Variants in SYNPO2 observed in about 807,000 individuals in gnomAD.
The protein encoded by SYNPO2 is synaptopodin 2, also known as synaptopodin-2.
Under a neutral mutation model 85.0 loss-of-function variants are expected in SYNPO2, and 56 were observed. The ratio of observed to expected loss-of-function variants is 0.66; its 90% CI spans 0.53 to 0.82. SYNPO2 has a LOEUF of 0.82. Ranked by LOEUF, SYNPO2 falls within the 40% of genes least tolerant of loss-of-function variation. SYNPO2 has a pLI of 0.00. For missense variants in SYNPO2, 1,575 were observed against 1,534.2 expected, an observed-to-expected ratio of 1.03 and a Z score of -0.44; for synonymous variants, 602 against 591.1, an observed-to-expected ratio of 1.02 and a Z score of -0.27.
At chr4:119,016,453 C>T (rs1737529311) in intron 1 of SYNPO2, among the ~76,000 whole-genome samples, 1 of 151,758 alleles carries the variant, frequency 6.6e-6, no homozygotes, top group Admixed American at 6.6e-5. Context: ...TTTAGGAAAC[C>T]CAAATAGTTC....
intron 1 of SYNPO2, among the ~76,000 whole-genome samples, chr4:118,984,389 A>T (rs780834491): frequency 3.7e-4 from 56 of 152,228 alleles, no homozygotes; most frequent in Non-Finnish European, 7.5e-4. Context: ...AATCCTCTTC[A>T]GTTATTCTTC....
intron 1 of SYNPO2, among the ~76,000 whole-genome samples, chr4:119,020,587 G>C (rs866359582): frequency 5.3e-5 from 8 of 152,080 alleles, no homozygotes; most frequent in South Asian, 2.1e-4. Context: ...TTGGGTCTTG[G>C]GGGGCACAGA....
At chr4:119,007,259 TATATATATATATATATGTATATAC>T (rs1737098506) in intron 1 of SYNPO2, among the ~76,000 whole-genome samples, 1 of 47,766 alleles carries the variant, frequency 2.1e-5, no homozygotes, top group Non-Finnish European at 4.1e-5. Flanking sequence ...TATACATATA[TATATATATATATATATGTATATAC>T]ATATATATAT....
At chr4:118,891,337 G>C (rs538067501) in intron 1 of SYNPO2, among the ~76,000 whole-genome samples, 1 of 152,264 alleles carries the variant, frequency 6.6e-6, no homozygotes, top group South Asian at 2.1e-4. Flanking sequence ...TTGTGTGTTT[G>C]TGTGTGCAAG....
In SYNPO2 at chr4:119,031,873, C is replaced by T; in HGVS notation, c.3098C>T (p.Pro1033Leu). The change falls in exon 4 of 5, where the codon CCT becomes CTT. Residue 1033 changes from proline (P) to leucine (L), a missense_variant. Coordinates refer to ENST00000307142, the MANE Select transcript of SYNPO2 (RefSeq NM_133477.3). ...TACTCGGTACCAGCCTATACCTCTC[C>T]TCCTTCCTTCTTTGCAGAGGCCTCC... is the stretch of plus-strand genomic sequence containing the variant. Reference protein sequence around the residue: ...SVYSVPAYTSPPSFFAEASSP... With the variant: ...SVYSVPAYTSLPSFFAEASSP... 1 of 1,614,224 alleles carries T rather than the reference C, an allele frequency of 6.2e-7. No individual in the cohort carries two copies.
intron 1 of SYNPO2, among the ~76,000 whole-genome samples, chr4:118,897,153 G>A (rs1732575831): frequency 1.3e-5 from 2 of 152,154 alleles, no homozygotes; most frequent in South Asian, 4.1e-4. Flanking sequence ...AAGTGAAGGG[G>A]AAGCAAGGCA....
chr4:118,903,719 A>ATT (rs11452956), intron 1 of SYNPO2, among the ~76,000 whole-genome samples: 51 of 148,384 alleles, frequency 3.4e-4, no homozygotes, highest in Admixed American at 6.7e-4. Context: ...AAATGGTACA[A>ATT]TTTTTTTTTT....
chr4:118,961,992 A>G (rs902269314), intron 1 of SYNPO2, among the ~76,000 whole-genome samples: 1 of 152,182 alleles, frequency 6.6e-6, no homozygotes, highest in African/African-American at 2.4e-5. Context: ...GGTCAGAAAG[A>G]TAAAATTTTT....
chr4:119,037,252 T>G, intron 4 of SYNPO2: 1 of 1,475,244 alleles, frequency 6.8e-7, no homozygotes, highest in Non-Finnish European at 9.0e-7. Flanking sequence ...CTTTCACATC[T>G]CCTATTTCTT....
At chr4:118,968,946 G>A (rs61324225) in intron 1 of SYNPO2, among the ~76,000 whole-genome samples, 15,980 of 152,130 alleles carry the variant, frequency 0.11, 1,049 homozygotes, top group East Asian at 0.15. Context: ...GAAATATAGC[G>A]TGGCAAAACA....
At position 119,031,225 on chromosome 4, in the gene SYNPO2, G is replaced by A. The variant is rs754962373; in HGVS notation, c.2450G>A (p.Arg817Gln). Reference protein sequence around the residue: ...KIAQPSYPPARPASTLNVAGP... With the variant: ...KIAQPSYPPAQPASTLNVAGP... ...GCCCAGCCTTCTTACCCTCCTGCCC[G>A]GCCTGCAAGTACTTTGAACGTGGCT... Residue 817 changes from arginine (R) to glutamine (Q), a missense_variant, in exon 4 of 5, where the codon CGG (arginine) becomes CAG (glutamine). Transcript: ENST00000307142. 3.7e-6 allele frequency: 6 copies of A among 1,614,004 alleles called. No homozygotes were observed. The South Asian group carries it at 4.4e-5, about 12-fold the overall frequency.
At chr4:118,851,738 A>T (rs114051506) in intron 1 of SYNPO2, among the ~76,000 whole-genome samples, 6,266 of 152,260 alleles carry the variant, frequency 0.041, 197 homozygotes, top group Non-Finnish European at 0.064. Context: ...CATTTTTTCA[A>T]ATCTCTTTAA....
chr4:119,023,655 A>G, intron 2 of SYNPO2, 74 bp downstream of exon 2: 1 of 1,435,686 alleles, frequency 7.0e-7, no homozygotes. Flanking sequence ...TACTACATAT[A>G]TAACTTGTCA....
rs1252339768 is a variant in SYNPO2 at position 119,060,560 on chromosome 4, GA to G, written c.*2627del. 2.6e-5 allele frequency: 4 copies of G among 152,320 alleles called. No homozygotes were observed. In the East Asian group the frequency reaches 7.7e-4, roughly 29 times the overall value. 9.4% of individuals were successfully genotyped at this position (152,320 alleles called of 1,614,324 possible). The stretch of plus-strand genomic sequence containing the variant: ...GAAGTTTGATTCCTATGGGTGAGAA[GA>G]TGTAGATGACTATTGTTCTCACTAA... On this transcript the variant is annotated 3_prime_UTR_variant, in exon 5 of 5. Transcript: ENST00000307142.
At chr4:119,045,688 C>A (rs1170838217) in intron 4 of SYNPO2, among the ~76,000 whole-genome samples, 1 of 152,124 alleles carries the variant, frequency 6.6e-6, no homozygotes, top group East Asian at 1.9e-4. Flanking sequence ...ATGTGTTTAA[C>A]ATTTATTTTT....
chr4:118,999,334 T>C (rs1736736317), intron 1 of SYNPO2, among the ~76,000 whole-genome samples: 2 of 151,960 alleles, frequency 1.3e-5, no homozygotes, highest in Non-Finnish European at 2.9e-5. Flanking sequence ...TAATTTTTTG[T>C]AGAGACGGGG....
chr4:119,038,455 C>A, intron 4 of SYNPO2: 1 of 985,020 alleles, frequency 1.0e-6, no homozygotes, highest in Non-Finnish European at 1.2e-6. Flanking sequence ...TAGTGTTGTT[C>A]GTTGGCTGGG....
At chr4:118,929,502 C>T (rs1037508726) in intron 1 of SYNPO2, among the ~76,000 whole-genome samples, 2 of 152,056 alleles carry the variant, frequency 1.3e-5, no homozygotes, top group African/African-American at 2.4e-5. Context: ...AATTTTGCTA[C>T]ATTTTCCTAA....
At chr4:118,942,153 C>T (rs1734337261) in intron 1 of SYNPO2, among the ~76,000 whole-genome samples, 1 of 152,184 alleles carries the variant, frequency 6.6e-6, no homozygotes. Context: ...AGTCTCTCCC[C>T]AGCCCTCAAG....
Sources: allele counts gnomAD v4.1 joint callset (sites outside exome capture counted in the v4.1 genomes callset), GRCh38; gene constraint gnomAD v4.1.1; transcripts MANE v1.5; gene names NCBI Gene and HGNC (gene_info 2026-07-23, HGNC 2026-07-21).